The following CD46 variants were observed in gnomAD, a reference collection of about 807,000 sequenced individuals.
The protein encoded by CD46 is CD46 molecule.
Under a neutral mutation model 53.3 loss-of-function variants are expected in CD46, and 30 were observed. The ratio of observed to expected loss-of-function variants is 0.56; its 90% CI spans 0.42 to 0.76. The LOEUF is 0.76. CD46 is among the 30% of genes least tolerant of loss of function. CD46 has a pLI of 0.00. For synonymous variants in CD46, 142 were observed against 152.0 expected, an observed-to-expected ratio of 0.93 and a Z score of 0.48; for missense variants, 409 against 463.0, an observed-to-expected ratio of 0.88 and a Z score of 1.07.
chr1:207,770,088 A>G (rs1657317795), intron 7 of CD46: 1 of 504,288 alleles, frequency 2.0e-6, no homozygotes, highest in Admixed American at 3.3e-5. Context: ...CATGATGGTT[A>G]TCTTCTAAGA....
At chr1:207,761,484 A>G in intron 5 of CD46, 38 bp downstream of exon 5, 1 of 1,521,766 alleles carries the variant, frequency 6.6e-7, no homozygotes, top group Non-Finnish European at 9.1e-7. Context: ...ATTTGTAAAT[A>G]CTATGGAAAC....
intron 7 of CD46, 121 bp from the exon 8 acceptor site, chr1:207,770,200 A>G (rs1657336590): frequency 2.6e-6 from 2 of 759,624 alleles, no homozygotes; most frequent in Admixed American, 2.0e-5. Flanking sequence ...GTGGAATTGC[A>G]AAGTTTGTAA....
chr1:207,761,556 A>G (rs1205223356), intron 5 of CD46, 110 bp downstream of exon 5: 9 of 841,588 alleles, frequency 1.1e-5, no homozygotes, highest in Non-Finnish European at 1.6e-5. Context: ...CTCCTCCTGT[A>G]TAATTGGTTT....
At chr1:207,756,974 T>G (rs1281433106) in intron 1 of CD46, 40 bp from the exon 2 acceptor site, 30 of 1,529,448 alleles carry the variant, frequency 2.0e-5, no homozygotes, top group Non-Finnish European at 2.6e-5. Flanking sequence ...GAAAGTGATA[T>G]CAGTACTTCA....
At chr1:207,785,823 A>G in intron 11 of CD46, 141 bp downstream of exon 11, 2 of 657,404 alleles carry the variant, frequency 3.0e-6, no homozygotes, top group South Asian at 3.3e-5. Context: ...TGTCCTACCA[A>G]TTGCATTTCT....
rs1660025035 is a variant in CD46, at chr1:207,793,904, T to C, written c.*427T>C. 3.4e-6 allele frequency: 1 copy of C among 293,398 alleles called. No homozygotes were observed. The highest frequency in any genetic ancestry group is 2.2e-5 in the African/African-American group (1 of 46,456). 18.2% of individuals were successfully genotyped at this position (293,398 alleles called of 1,614,324 possible). A position where few individuals can be genotyped will look rare whatever the true frequency, so the allele number is the denominator to read the frequency against. ...AAAATTAGAGAAATATAGTTCACAA[T>C]GAAATTATATTTTCTTTGTAAAGAA... On this transcript the variant is annotated 3_prime_UTR_variant, in exon 13 of 13. Coordinates refer to ENST00000367042, the MANE Select transcript of CD46 (RefSeq NM_172351.3).
intron 8 of CD46, among the ~76,000 whole-genome samples, chr1:207,771,147 C>G (rs1164411217): frequency 6.6e-6 from 1 of 152,200 alleles, no homozygotes; most frequent in African/African-American, 2.4e-5. Flanking sequence ...TCTCTGATGA[C>G]CAGTGATGAT....
chr1:207,781,919 T>C (rs1394920514), intron 8 of CD46, among the ~76,000 whole-genome samples: 1 of 146,638 alleles, frequency 6.8e-6, no homozygotes, highest in African/African-American at 2.5e-5. Flanking sequence ...ATATGTATTT[T>C]GGAATGGATT....
intron 12 of CD46, among the ~76,000 whole-genome samples, chr1:207,793,198 G>T (rs1211676207): frequency 6.6e-6 from 1 of 152,170 alleles, no homozygotes; most frequent in Non-Finnish European, 1.5e-5. Flanking sequence ...GGAGGGATCA[G>T]GAAAGCATGC....
At position 207,752,662 on chromosome 1, in the gene CD46, G is replaced by T. The variant is rs1450136835; in HGVS notation, c.97+353G>T. Among the ~76,000 whole-genome samples, 1 of 152,226 alleles carries T rather than the reference G, an allele frequency of 6.6e-6. No homozygotes were observed. Among genetic ancestry groups the T allele is most frequent in the Non-Finnish European group, 1.5e-5 (1 of 68,030 alleles). ...TTCTGGAGTGCACAGGTGCGTGGGAGTGTTGCTAGGGCCCGTGCTGTGTCC... is the reference window on the plus strand; with the variant it reads ...TTCTGGAGTGCACAGGTGCGTGGGATTGTTGCTAGGGCCCGTGCTGTGTCC... On this transcript the variant is annotated intron_variant, in intron 1 of 12. Transcript: ENST00000367042. The surrounding 1 kb of genome is among the most constrained non-coding windows in gnomAD (Gnocchi z 4.1).
At chr1:207,781,704 G>A (rs538861430) in intron 8 of CD46, among the ~76,000 whole-genome samples, 2 of 152,170 alleles carry the variant, frequency 1.3e-5, no homozygotes, top group South Asian at 4.1e-4. Flanking sequence ...ACTGTTCCTT[G>A]TCACGCTTGT....
In CD46 at chr1:207,771,168, TC is replaced by T. The variant is rs1407363206; in HGVS notation, c.943+807del. Among the ~76,000 whole-genome samples the T allele has an allele frequency of 5.9e-5, 9 of 152,248 alleles. No homozygotes were observed. In the East Asian group the frequency reaches 1.7e-3, roughly 29 times the overall value. On this transcript the variant is annotated intron_variant, in intron 8 of 12. Transcript: ENST00000367042. ...ATGACCAGTGATGATGAGCATTTTT[TC>T]ATATGTCTGTTGGCTGTATAAATGT...
chr1:207,758,194 A>G (rs916626079), intron 3 of CD46, among the ~76,000 whole-genome samples: 2 of 152,188 alleles, frequency 1.3e-5, no homozygotes, highest in African/African-American at 4.8e-5. Context: ...TTGAAGTTGT[A>G]TATATTGGAG....
intron 4 of CD46, chr1:207,760,377 A>G (rs1656043423): frequency 6.6e-6 from 1 of 152,268 alleles, no homozygotes; most frequent in South Asian, 2.1e-4. Flanking sequence ...TAGCCTTTGG[A>G]AAAATATCAC....
chr1:207,767,753 A>C, intron 6 of CD46, 26 bp from the exon 7 acceptor site: 1 of 1,609,176 alleles, frequency 6.2e-7, no homozygotes, highest in Admixed American at 1.7e-5. Flanking sequence ...GTTTGGTCCA[A>C]TCTACATTAT....
chr1:207,772,927 G>A lies in CD46; in HGVS notation c.943+2565G>A, dbSNP rs189772250. On this transcript the variant is annotated intron_variant, in intron 8 of 12. Transcript: ENST00000367042. The stretch of plus-strand genomic sequence containing the variant: ...ATGCTAGCTTCCTAAAATGAATTAG[G>A]GAGGATTCCCTCTTTTTCTGTTGAT... Among the ~76,000 whole-genome samples, 174 of 152,300 alleles carry A rather than the reference G, an allele frequency of 1.1e-3. 2 individuals carry two copies. Among genetic ancestry groups the A allele is most frequent in the South Asian group, 6.6e-3 (32 of 4,822 alleles).
At chr1:207,764,253 C>T (rs1196409524) in intron 5 of CD46, among the ~76,000 whole-genome samples, 5 of 152,130 alleles carry the variant, frequency 3.3e-5, no homozygotes, top group Admixed American at 1.3e-4. Context: ...CAGTCACATG[C>T]GCTTGGAAAC....
At chr1:207,776,105 G>A (rs1212852433) in intron 8 of CD46, among the ~76,000 whole-genome samples, 1 of 152,246 alleles carries the variant, frequency 6.6e-6, no homozygotes, top group Non-Finnish European at 1.5e-5. Context: ...TCATCAGGCT[G>A]CAGTGTCGCA....
chr1:207,773,740 T>G (rs904273291), intron 8 of CD46, among the ~76,000 whole-genome samples: 2 of 152,234 alleles, frequency 1.3e-5, no homozygotes, highest in Admixed American at 6.5e-5. Context: ...TGCACTGTGG[T>G]CTGAGAGACA....
Sources: allele counts gnomAD v4.1 joint callset (sites outside exome capture counted in the v4.1 genomes callset), GRCh38; gene constraint gnomAD v4.1.1; non-coding constraint Gnocchi (gnomAD v3.1); transcripts MANE v1.5; gene names NCBI Gene and HGNC (gene_info 2026-07-23, HGNC 2026-07-21).